The following KCNIP4 variants were observed in gnomAD, a reference collection of about 807,000 sequenced individuals.
The protein encoded by KCNIP4 is Kv channel-interacting protein 4.
In KCNIP4, 12 loss-of-function variants were observed where a neutral mutation model predicts 34.0. That is an observed-to-expected ratio of 0.35 (90% CI 0.23 to 0.57). KCNIP4 has a LOEUF of 0.57. Ranked by LOEUF, KCNIP4 falls within the 20% of genes least tolerant of loss-of-function variation. The pLI, the probability that KCNIP4 is intolerant of heterozygous loss-of-function variation, is 0.83. For missense variants in KCNIP4, 238 were observed against 311.7 expected (o/e 0.76, Z 1.78); for synonymous variants, 124 against 102.2 (o/e 1.21, Z -1.29).
intron 1 of KCNIP4, among the ~76,000 whole-genome samples, chr4:21,271,054 T>C (rs1762118918): frequency 6.6e-6 from 1 of 152,150 alleles, no homozygotes; most frequent in Non-Finnish European, 1.5e-5. Flanking sequence ...ACTTATTTTT[T>C]CCTTGTGAAA....
In KCNIP4 at chr4:21,570,824, C is replaced by T. The variant is rs150780556; in HGVS notation, c.61+377747G>A. 2.0e-4 allele frequency among the ~76,000 whole-genome samples: 30 copies of T among 152,150 alleles called. No homozygotes were observed. In the East Asian group the frequency reaches 5.6e-3, roughly 29 times the overall value. ...TATATAGCAGAAATTGAGCACTTTC[C>T]TATATCACATCGAACCCTCCAAACA... is the stretch of plus-strand genomic sequence containing the variant. On this transcript the variant is annotated intron_variant, in intron 1 of 8. Transcript: ENST00000382152.
chr4:21,780,914 G>T (rs534371057), intron 1 of KCNIP4, among the ~76,000 whole-genome samples: 9 of 152,080 alleles, frequency 5.9e-5, no homozygotes, highest in Non-Finnish European at 1.3e-4. Flanking sequence ...TTTGGCTTGT[G>T]GCATCATCAC....
At chr4:21,214,654 G>A (rs980363221) in intron 1 of KCNIP4, among the ~76,000 whole-genome samples, 4 of 152,116 alleles carry the variant, frequency 2.6e-5, no homozygotes, top group African/African-American at 9.7e-5. Flanking sequence ...TCTTACTTCT[G>A]TTGATTTAAA....
chr4:20,812,201 A>G (rs1299964721), intron 3 of KCNIP4, among the ~76,000 whole-genome samples: 1 of 152,204 alleles, frequency 6.6e-6, no homozygotes. Flanking sequence ...TTTTGTTGTG[A>G]GTCTGTTGTT....
At chr4:21,481,173 A>G (rs1194406409) in intron 1 of KCNIP4, among the ~76,000 whole-genome samples, 7 of 152,206 alleles carry the variant, frequency 4.6e-5, no homozygotes, top group African/African-American at 1.4e-4. Context: ...TGGCTATTCA[A>G]ATGAAATTTA....
chr4:21,276,089 C>T (rs1762418568), intron 1 of KCNIP4, among the ~76,000 whole-genome samples: 1 of 152,198 alleles, frequency 6.6e-6, no homozygotes, highest in South Asian at 2.1e-4. Flanking sequence ...ATAGAACTTC[C>T]TCAAGCAAAT....
intron 1 of KCNIP4, among the ~76,000 whole-genome samples, chr4:21,324,941 G>A (rs1055452192): frequency 2.6e-5 from 4 of 151,766 alleles, no homozygotes; most frequent in Non-Finnish European, 5.9e-5. Context: ...TTGCATCAGT[G>A]TTTTATGGTT....
chr4:21,365,533 GAAAGA>G (rs754360136), intron 1 of KCNIP4, among the ~76,000 whole-genome samples: 7,755 of 31,486 alleles, frequency 0.25, 265 homozygotes, highest in African/African-American at 0.28. Context: ...AAAAAATAAA[GAAAGA>G]AAAGAAAAAG....
chr4:21,117,202 T>G (rs1009967919), intron 1 of KCNIP4, among the ~76,000 whole-genome samples: 8 of 150,680 alleles, frequency 5.3e-5, no homozygotes, highest in Non-Finnish European at 2.9e-5. Flanking sequence ...GCAGCAACTT[T>G]CACTTGTGAA....
At chr4:21,555,880 G>T (rs1738964165) in intron 1 of KCNIP4, among the ~76,000 whole-genome samples, 1 of 151,994 alleles carries the variant, frequency 6.6e-6, no homozygotes, top group Non-Finnish European at 1.5e-5. Flanking sequence ...CCAGATTCAG[G>T]TCCAGTTTGC....
chr4:20,874,624 C>A lies in KCNIP4; in HGVS notation c.163+7984G>T, dbSNP rs184820377. Among the ~76,000 whole-genome samples, 578 of 151,922 alleles carry A rather than the reference C, an allele frequency of 3.8e-3. 6 individuals are homozygous for A. Among genetic ancestry groups the A allele is most frequent in the Middle Eastern group, 0.014 (4 of 290 alleles). The stretch of plus-strand genomic sequence containing the variant: ...ATATATAATGGACCAGGAAAAAAAA[C>A]CCGCAATTTTCCTTTTTTCACTAAG... On this transcript the variant is annotated intron_variant, in intron 2 of 8. Coordinates refer to ENST00000382152, the MANE Select transcript of KCNIP4 (RefSeq NM_025221.6).
At chr4:21,452,308 G>A (rs754035253) in intron 1 of KCNIP4, among the ~76,000 whole-genome samples, 7 of 152,112 alleles carry the variant, frequency 4.6e-5, no homozygotes, top group African/African-American at 9.7e-5. Context: ...TGCCTTCATG[G>A]AGGTGGGAGA....
Position 21,750,647 on chromosome 4 carries a change from T to G in KCNIP4, c.61+197924A>C, listed in dbSNP as rs139940785. Among the ~76,000 whole-genome samples, 107 of 152,330 alleles carry G rather than the reference T, an allele frequency of 7.0e-4. No homozygotes were observed. The South Asian group carries it at 0.012, about 17-fold the overall frequency. On this transcript the variant is annotated intron_variant, in intron 1 of 8. Transcript: ENST00000382152. ...GACCAAGAATTAAGTAGTTTTTATA[T>G]ATATCATCCTAATCTAATTCTAGGC...
intron 1 of KCNIP4, among the ~76,000 whole-genome samples, chr4:21,515,814 T>C (rs1042300837): frequency 1.3e-5 from 2 of 152,180 alleles, no homozygotes; most frequent in Non-Finnish European, 2.9e-5. Context: ...TCTTCCACCA[T>C]GGGATGACAC....
In KCNIP4 at chr4:21,738,384, A is replaced by G. The variant is rs556573273; in HGVS notation, c.61+210187T>C. On this transcript the variant is annotated intron_variant, in intron 1 of 8. Coordinates refer to ENST00000382152, the MANE Select transcript of KCNIP4 (RefSeq NM_025221.6). ...GGAAGAGGGATTAGAGTAAAGTTCT[A>G]TATTTAGTTACATGTTCGAAGTAAA... Among the ~76,000 whole-genome samples the G allele has an allele frequency of 4.6e-5, 7 of 152,252 alleles. No individual in the cohort carries two copies. In the South Asian group the frequency reaches 1.4e-3, roughly 32 times the overall value.
At chr4:21,355,445 C>T (rs561796643) in intron 1 of KCNIP4, among the ~76,000 whole-genome samples, 27 of 151,916 alleles carry the variant, frequency 1.8e-4, no homozygotes, top group Middle Eastern at 3.4e-3. Context: ...ATCAAATAGA[C>T]GCAATAAAAA....
At chr4:21,764,944 A>ATT (rs1285607763) in intron 1 of KCNIP4, among the ~76,000 whole-genome samples, 1 of 152,044 alleles carries the variant, frequency 6.6e-6, no homozygotes, top group African/African-American at 2.4e-5. Context: ...TGCTCTTCTC[A>ATT]TTAAAAGCTG....
intron 1 of KCNIP4, among the ~76,000 whole-genome samples, chr4:21,029,976 A>G (rs756981443): frequency 2.6e-5 from 4 of 152,196 alleles, no homozygotes; most frequent in Non-Finnish European, 4.4e-5. Context: ...CTTGATAAAA[A>G]CAAAACTTGG....
chr4:21,577,695 G>A (rs1252538256), intron 1 of KCNIP4, among the ~76,000 whole-genome samples: 1 of 152,044 alleles, frequency 6.6e-6, no homozygotes, highest in African/African-American at 2.4e-5. Context: ...ATATTCTTTG[G>A]TGCCTCTATG....
Sources: gnomAD v4.1 joint callset for allele counts (sites outside exome capture counted in the v4.1 genomes callset) on GRCh38, gnomAD v4.1.1 for gene constraint, MANE v1.5 for transcripts, NCBI Gene and HGNC (gene_info 2026-07-23, HGNC 2026-07-21) for gene names.